The following ELN variants were observed in gnomAD, a reference collection of about 807,000 sequenced individuals.
The protein encoded by ELN is elastin.
Under a neutral mutation model 105.8 loss-of-function variants are expected in ELN, and 65 were observed. The observed-to-expected ratio is 0.61, with a 90% CI of 0.50 to 0.75. ELN has a LOEUF of 0.75. ELN is among the 30% of genes least tolerant of loss of function. The probability of loss-of-function intolerance (pLI) is 0.00; values close to 1 mark genes in which losing one functional copy is unlikely to be tolerated. For synonymous variants in ELN, 368 were observed against 389.2 expected (o/e 0.95, Z 0.64); for missense variants, 882 against 969.4 (o/e 0.91, Z 1.20).
At chr7:74,047,417 G>C (rs553249186) in intron 12 of ELN, among the ~76,000 whole-genome samples, 1 of 152,202 alleles carries the variant, frequency 6.6e-6, no homozygotes, top group African/African-American at 2.4e-5. Context: ...CTGAGGAGGG[G>C]GTGTAAGGAA....
Position 74,069,545 on chromosome 7 carries a change from C to T in ELN, c.*845C>T. The T allele has an allele frequency of 4.3e-6, 1 of 234,280 alleles. No homozygotes were observed. The highest frequency in any genetic ancestry group is 6.0e-5 in the East Asian group (1 of 16,578). 14.5% of individuals were successfully genotyped at this position (234,280 alleles called of 1,614,324 possible). A position where few individuals can be genotyped will look rare whatever the true frequency, so the allele number is the denominator to read the frequency against. On this transcript the variant is annotated 3_prime_UTR_variant, in exon 33 of 33. Coordinates refer to ENST00000252034, the MANE Select transcript of ELN (RefSeq NM_000501.4). The stretch of plus-strand genomic sequence containing the variant: ...GCATCTCCTCCCCACCCGGGGTGTC[C>T]CCACATGCAGTACTGTATACCCCCC...
At position 74,048,495 on chromosome 7, in the gene ELN, T is replaced by TC; in HGVS notation, c.746-3dup. On this transcript the variant is annotated splice_region_variant and splice_polypyrimidine_tract_variant and intron_variant, in intron 14 of 32. Coordinates refer to ENST00000252034, the MANE Select transcript of ELN (RefSeq NM_000501.4). Reference sequence around the variant, plus strand: ...TCAAGGTCTCTCCCCTCTGCTTCCTTCCCCCAGGGGTTGGCCCCCAGGCAG... The same window carrying TC: ...TCAAGGTCTCTCCCCTCTGCTTCCTTCCCCCCAGGGGTTGGCCCCCAGGCAG... 3.1e-6 allele frequency: 5 copies of TC among 1,613,850 alleles called. No homozygotes were observed. Among genetic ancestry groups the TC allele is most frequent in the Non-Finnish European group, 4.2e-6 (5 of 1,179,910 alleles).
chr7:74,067,563 G>A (rs1434712934), intron 32 of ELN, among the ~76,000 whole-genome samples: 10 of 151,766 alleles, frequency 6.6e-5, no homozygotes, highest in African/African-American at 2.2e-4. Flanking sequence ...ACCACGTCCG[G>A]CCGTCTCTAC....
intron 10 of ELN, chr7:74,045,702 C>G (rs1792305488): frequency 3.0e-6 from 1 of 330,106 alleles, no homozygotes; most frequent in African/African-American, 2.1e-5. Flanking sequence ...ATGATCACAC[C>G]ACTGCACTCC....
At chr7:74,057,529 T>C (rs908670670) in intron 21 of ELN, 111 bp from the exon 22 acceptor site, 4 of 1,603,814 alleles carry the variant, frequency 2.5e-6, no homozygotes, top group Non-Finnish European at 3.4e-6. Flanking sequence ...GTCCCTGGAG[T>C]TGACCAAGGT....
chr7:74,044,057 G>T lies in ELN; in HGVS notation c.469+137G>T, dbSNP rs550428734. 1.3e-5 allele frequency: 16 copies of T among 1,195,620 alleles called. No individual in the cohort carries two copies. The South Asian group carries it at 2.1e-4, about 16-fold the overall frequency. 74.1% of individuals were successfully genotyped at this position (1,195,620 alleles called of 1,614,324 possible). A position where few individuals can be genotyped will look rare whatever the true frequency, so the allele number is the denominator to read the frequency against. On this transcript the variant is annotated intron_variant, in intron 9 of 32. Coordinates refer to ENST00000252034, the MANE Select transcript of ELN (RefSeq NM_000501.4). ...GGCCAGGAGTTTGAGACCAGCCTGG[G>T]CATCATAGTAAGGCCCTCGTCTCTA...
intron 9 of ELN, among the ~76,000 whole-genome samples, chr7:74,044,893 C>T (rs1162033197): frequency 3.3e-5 from 5 of 152,198 alleles, no homozygotes; most frequent in African/African-American, 7.2e-5. Flanking sequence ...CGAGTGGCAC[C>T]GCGCAGCAGC....
chr7:74,059,101 T>A (rs953283237), intron 22 of ELN, among the ~76,000 whole-genome samples: 1 of 151,526 alleles, frequency 6.6e-6, no homozygotes, highest in East Asian at 1.9e-4. Context: ...AAAAAAAAAA[T>A]TGTATGCGAT....
rs574129749 is a variant in ELN at position 74,032,295 on chromosome 7, C to T, written c.83-3069C>T. 7.2e-5 allele frequency among the ~76,000 whole-genome samples: 11 copies of T among 152,262 alleles called. No individual in the cohort carries two copies. The East Asian group carries it at 1.5e-3, about 21-fold the overall frequency. On this transcript the variant is annotated intron_variant, in intron 1 of 32. Transcript: ENST00000252034. ...GCTGAGCAGCACAGTCAGGGAGAGC[C>T]GTGGGCTCGGGAAAGGCAGGCGGGA...
At chr7:74,043,069 G>T (rs994545522) in intron 7 of ELN, 35 bp downstream of exon 7, 2 of 1,614,196 alleles carry the variant, frequency 1.2e-6, no homozygotes, top group Non-Finnish European at 1.7e-6. Flanking sequence ...CTGGGTCAAA[G>T]TTGCAGGCCT....
At chr7:74,044,408 G>A (rs781971503) in intron 9 of ELN, among the ~76,000 whole-genome samples, 30 of 152,074 alleles carry the variant, frequency 2.0e-4, no homozygotes, top group Non-Finnish European at 3.5e-4. Context: ...CTGGCAGTCC[G>A]TCCATCCCCT....
Position 74,064,402 on chromosome 7 carries a change from G to C in ELN, c.1993+707G>C, listed in dbSNP as rs1490619105. On this transcript the variant is annotated intron_variant, in intron 29 of 32. Transcript: ENST00000252034. ...TGCACTCCAGCCTGGGCGACAGAGC[G>C]AGACTCCGTCTCAAAAAAAAAATAT... Among the ~76,000 whole-genome samples, 43 of 143,270 alleles carry C rather than the reference G, an allele frequency of 3.0e-4. 1 individual carries two copies. The South Asian group carries it at 6.1e-3, about 20-fold the overall frequency. The allele number at this position is 143,270 out of a possible 152,430, so 94.0% of individuals were successfully genotyped here.
intron 4 of ELN, 35 bp from the exon 5 acceptor site, chr7:74,041,181 C>G (rs1554668175): frequency 6.2e-7 from 1 of 1,613,860 alleles, no homozygotes; most frequent in Non-Finnish European, 8.5e-7. Context: ...CCTAGGAACA[C>G]TGCCTACACT....
chr7:74,063,127 A>G lies in ELN; in HGVS notation c.1787-26A>G, dbSNP rs782802024. On this transcript the variant is annotated intron_variant, in intron 26 of 32. Coordinates refer to ENST00000252034, the MANE Select transcript of ELN (RefSeq NM_000501.4). The surrounding 1 kb of genome is among the most constrained non-coding windows in gnomAD (Gnocchi z 4.1). ...GAGACCCATCGTTCAGAAATGGAAC[A>G]CTCATTTTCCCTCCTCTCCCCGCAG... 2.5e-6 allele frequency: 4 copies of G among 1,588,730 alleles called. No individual in the cohort carries two copies. The African/African-American group carries it at 5.4e-5, about 22-fold the overall frequency.
In ELN at chr7:74,032,933, C is replaced by T. The variant is rs578198061; in HGVS notation, c.83-2431C>T. Among the ~76,000 whole-genome samples the T allele has an allele frequency of 2.0e-5, 3 of 152,310 alleles. No individual in the cohort carries two copies. The South Asian group carries it at 6.2e-4, about 32-fold the overall frequency. ...CTACTGCATACCTGGCCCTGGGCCACGGACTGTGCAGTGAAATGGGAAAAA... is the reference window on the plus strand; with the variant it reads ...CTACTGCATACCTGGCCCTGGGCCATGGACTGTGCAGTGAAATGGGAAAAA... On this transcript the variant is annotated intron_variant, in intron 1 of 32. Transcript: ENST00000252034.
rs565903176 is a variant in ELN at position 74,040,681 on chromosome 7, C to G, written c.197-535C>G. 1.0e-3 allele frequency among the ~76,000 whole-genome samples: 157 copies of G among 152,214 alleles called. 3 individuals carry two copies. The highest frequency in any genetic ancestry group is 3.5e-3 in the African/African-American group (146 of 41,532). On this transcript the variant is annotated intron_variant, in intron 4 of 32. Coordinates refer to ENST00000252034, the MANE Select transcript of ELN (RefSeq NM_000501.4). ...CGCAGTGGGAGACGAAGCGATTGGG[C>G]CCAGATGTGGGGAGGAGAGAGCCAG...
Position 74,068,774 on chromosome 7 carries a change from T to A in ELN, c.*74T>A. ...CTTGGTGGAGAATGTAAACCCTTTG[T>A]AACCCCATCCCATGCCCCTCCGACT... On this transcript the variant is annotated 3_prime_UTR_variant, in exon 33 of 33. Coordinates refer to ENST00000252034, the MANE Select transcript of ELN (RefSeq NM_000501.4). 1 of 1,581,554 alleles carries A rather than the reference T, an allele frequency of 6.3e-7. No homozygotes were observed. Among genetic ancestry groups the A allele is most frequent in the Non-Finnish European group, 8.7e-7 (1 of 1,150,760 alleles).
chr7:74,060,737 C>A, intron 25 of ELN: 1 of 1,155,440 alleles, frequency 8.7e-7, no homozygotes. Flanking sequence ...GGTGGCAGGG[C>A]TCCAGACTGA....
Position 74,047,758 on chromosome 7 carries a change from C to T in ELN, c.685+42C>T. ...TAGACTGTGGGCTTCCAGCTCTTTC[C>T]CTCTCCAGGGTCCTAGCAAGGGTGC... On this transcript the variant is annotated intron_variant, in intron 13 of 32. Transcript: ENST00000252034. 1.9e-6 allele frequency: 3 copies of T among 1,613,682 alleles called. No homozygotes were observed. The South Asian group carries it at 3.3e-5, about 18-fold the overall frequency.
Sources: allele counts gnomAD v4.1 joint callset (sites outside exome capture counted in the v4.1 genomes callset), GRCh38; gene constraint gnomAD v4.1.1; non-coding constraint Gnocchi (gnomAD v3.1); transcripts MANE v1.5; gene names NCBI Gene and HGNC (gene_info 2026-07-23, HGNC 2026-07-21).